The following RASEF variants were observed in gnomAD, a reference collection of about 807,000 sequenced individuals.
RASEF encodes RAS and EF-hand domain containing.
In RASEF, 68 loss-of-function variants were observed where a neutral mutation model predicts 90.1. That is an observed-to-expected ratio of 0.75 (90% CI 0.62 to 0.92). RASEF has a LOEUF of 0.92. Ranked by LOEUF, RASEF falls within the 40% of genes least tolerant of loss-of-function variation. The pLI is 0.00. For synonymous variants in RASEF, 331 were observed against 345.2 expected (o/e 0.96, Z 0.46); for missense variants, 949 against 937.2 (o/e 1.01, Z -0.16).
At chr9:83,180,433 G>A in the RASEF span, among the ~76,000 whole-genome samples, 1 of 151,130 alleles carries the variant, frequency 6.6e-6, no homozygotes, top group African/African-American at 2.4e-5. Flanking sequence ...TCAGTATCTT[G>A]CCATAGTAAA....
chr9:83,099,018 T>C, the RASEF span, among the ~76,000 whole-genome samples: 1 of 152,212 alleles, frequency 6.6e-6, no homozygotes, highest in African/African-American at 2.4e-5. Context: ...TTATTGTAGA[T>C]GTACACACCC....
At chr9:83,198,507 C>T in the RASEF span, among the ~76,000 whole-genome samples, 12 of 152,266 alleles carry the variant, frequency 7.9e-5, no homozygotes, top group Admixed American at 5.2e-4. Context: ...CCCCAGGGAG[C>T]GGCCCCATTT....
the RASEF span, among the ~76,000 whole-genome samples, chr9:83,107,331 A>G: frequency 6.6e-6 from 1 of 152,030 alleles, no homozygotes; most frequent in African/African-American, 2.4e-5. Context: ...ACTATCATCT[A>G]TTTTTCTTAT....
At chr9:83,214,061 A>G in the RASEF span, among the ~76,000 whole-genome samples, 3 of 152,184 alleles carry the variant, frequency 2.0e-5, no homozygotes, top group African/African-American at 4.8e-5. Flanking sequence ...AAGCCTCTGC[A>G]CTATAGTCTG....
At chr9:83,100,979 G>A in the RASEF span, among the ~76,000 whole-genome samples, 1 of 152,054 alleles carries the variant, frequency 6.6e-6, no homozygotes, top group African/African-American at 2.4e-5. Flanking sequence ...AAATAGCAAT[G>A]TTTCCTTAGG....
At chr9:83,129,971 T>C in the RASEF span, among the ~76,000 whole-genome samples, 1 of 152,254 alleles carries the variant, frequency 6.6e-6, no homozygotes, top group African/African-American at 2.4e-5. Context: ...GTCTGCTGTA[T>C]CCATGAGATT....
the RASEF span, among the ~76,000 whole-genome samples, chr9:83,217,660 C>T: frequency 1.7e-4 from 26 of 152,172 alleles, no homozygotes; most frequent in Admixed American, 1.3e-4. Flanking sequence ...GATTGTGAGG[C>T]CTCCCCAGCC....
the RASEF span, among the ~76,000 whole-genome samples, chr9:83,085,991 G>C: frequency 6.6e-6 from 1 of 152,138 alleles, no homozygotes; most frequent in African/African-American, 2.4e-5. Context: ...TGACGTGTAT[G>C]TGACCCTTCA....
the RASEF span, among the ~76,000 whole-genome samples, chr9:83,133,697 A>G: frequency 3.6e-4 from 55 of 152,326 alleles, no homozygotes; most frequent in African/African-American, 1.3e-3. Flanking sequence ...GTTAAATAAT[A>G]TTTAGTGCAA....
the RASEF span, among the ~76,000 whole-genome samples, chr9:83,119,731 G>A: frequency 6.6e-6 from 1 of 152,164 alleles, no homozygotes; most frequent in Non-Finnish European, 1.5e-5. Flanking sequence ...CTATGGGAGG[G>A]ACCCAGTGGG....
At chr9:83,054,832 G>A (rs1053000173) in intron 1 of RASEF, 8 of 151,386 alleles carry the variant, frequency 5.3e-5, no homozygotes, top group African/African-American at 1.5e-4. Flanking sequence ...CCCCTGTTGG[G>A]GGGTGCCTCC....
intron 16 of RASEF, among the ~76,000 whole-genome samples, chr9:82,984,330 C>A (rs987041470): frequency 2.0e-5 from 3 of 152,136 alleles, no homozygotes; most frequent in Non-Finnish European, 2.9e-5. Context: ...TACAGCACAT[C>A]TGAACTGGAT....
At chr9:83,215,590 A>G in the RASEF span, among the ~76,000 whole-genome samples, 1 of 152,228 alleles carries the variant, frequency 6.6e-6, no homozygotes, top group African/African-American at 2.4e-5. Context: ...TGAGTCCATT[A>G]AACCTCTTTT....
rs765429973 is a variant in RASEF, at chr9:83,062,834, G to C, written c.34C>G (p.Arg12Gly). Residue 12 changes from arginine to glycine, a missense_variant, in exon 1 of 17, where the codon CGG becomes GGG. By Grantham distance (125) the Arg-to-Gly change is moderately radical. Transcript: ENST00000376447. The part of the protein sequence containing the change: ...EADGDGEELA[R>G]LRSVFAACDA... ...CAGGCGGCGAAGACTGAGCGCAGCC[G>C]GGCCAGCTCCTCTCCGTCCCCATCC... The C allele has an allele frequency of 6.5e-7, 1 of 1,545,968 alleles. No homozygotes were observed. The highest frequency in any genetic ancestry group is 1.2e-5 in the South Asian group (1 of 84,052).
At chr9:83,131,406 C>T in the RASEF span, among the ~76,000 whole-genome samples, 1,231 of 152,244 alleles carry the variant, frequency 8.1e-3, 29 homozygotes, top group African/African-American at 0.027. Flanking sequence ...GACAGTGTCA[C>T]CCAGCAGGAG....
At chr9:83,144,334 A>AGAAG in the RASEF span, among the ~76,000 whole-genome samples, 1 of 79,220 alleles carries the variant, frequency 1.3e-5, no homozygotes, top group Non-Finnish European at 2.4e-5. Flanking sequence ...AAGGAAAGAA[A>AGAAG]GAAAGAAAGA....
At chr9:83,105,304 G>A in the RASEF span, among the ~76,000 whole-genome samples, 1 of 152,018 alleles carries the variant, frequency 6.6e-6, no homozygotes, top group Admixed American at 6.6e-5. Flanking sequence ...ATACTGAGCA[G>A]CACTATGTTA....
At chr9:82,993,950 C>G (rs571356668) in intron 14 of RASEF, among the ~76,000 whole-genome samples, 1 of 152,318 alleles carries the variant, frequency 6.6e-6, no homozygotes, top group African/African-American at 2.4e-5. Context: ...AGAAGACAAC[C>G]TGACTAGCAC....
chr9:83,062,798 G>A lies in RASEF; in HGVS notation c.70C>T (p.Arg24Cys). ...RSVFAACDANRSGRLEREEFR... is the reference protein window; with the variant it reads ...RSVFAACDANCSGRLEREEFR... ...TCCTCGCGCTCCAGGCGCCCCGAGC[G>A]GTTCGCGTCGCAGGCGGCGAAGACT... The change falls in exon 1 of 17, where the codon CGC (arginine) becomes TGC (cysteine). Residue 24 changes from arginine (R) to cysteine (C), a missense_variant. Arg to Cys is a radical substitution (Grantham distance 180). Transcript: ENST00000376447. The A allele has an allele frequency of 1.9e-6, 3 of 1,556,336 alleles. No homozygotes were observed. Among genetic ancestry groups the A allele is most frequent in the Non-Finnish European group, 2.6e-6 (3 of 1,161,268 alleles).
Sources: allele counts gnomAD v4.1 joint callset (sites outside exome capture counted in the v4.1 genomes callset), GRCh38; gene constraint gnomAD v4.1.1; transcripts MANE v1.5; gene names NCBI Gene and HGNC (gene_info 2026-07-23, HGNC 2026-07-21).